CC2D1A: variants seen among roughly 807,000 people sequenced by gnomAD.
CC2D1A encodes the protein coiled-coil and C2 domain containing 1A.
CC2D1A carries 68 observed loss-of-function variants against 123.8 expected under a neutral mutation model. The observed-to-expected ratio is 0.55, with a 90% CI of 0.45 to 0.67. The LOEUF is 0.67. CC2D1A is among the 30% of genes least tolerant of loss of function. CC2D1A has a pLI of 0.00. For missense variants in CC2D1A, 1,185 were observed against 1,290.3 expected, an observed-to-expected ratio of 0.92 and a Z score of 1.25; for synonymous variants, 477 against 528.0, an observed-to-expected ratio of 0.90 and a Z score of 1.32.
At position 13,923,576 on chromosome 19, in the gene CC2D1A, C is replaced by T. The variant is rs764881191; in HGVS notation, c.1793C>T (p.Thr598Ile). Reference sequence around the variant, plus strand: ...TGCCTGAACCACTCAAACCAATTCACCCAGCTGGGCAACATCACTGAAACC... The same window carrying T: ...TGCCTGAACCACTCAAACCAATTCATCCAGCTGGGCAACATCACTGAAACC... ...EMCLNHSNQF[T>I]QLGNITETTK... The change falls in exon 16 of 29, where the codon ACC (threonine) becomes ATC (isoleucine). Residue 598 changes from threonine (T) to isoleucine (I), a missense_variant. Coordinates refer to ENST00000318003, the MANE Select transcript of CC2D1A (RefSeq NM_017721.5). The surrounding 1 kb of genome is among the most constrained non-coding windows in gnomAD (Gnocchi z 5.3). 1 of 1,614,164 alleles carries T rather than the reference C, an allele frequency of 6.2e-7. No individual in the cohort carries two copies. Among genetic ancestry groups the T allele is most frequent in the South Asian group, 1.1e-5 (1 of 91,088 alleles).
At chr19:13,919,427 ATG>A (rs1378051138) in intron 11 of CC2D1A, among the ~76,000 whole-genome samples, 1 of 152,182 alleles carries the variant, frequency 6.6e-6, no homozygotes, top group Non-Finnish European at 1.5e-5. Context: ...ATTGGACATG[ATG>A]TGTCTGCACT....
rs1568416399 is a variant in CC2D1A, at chr19:13,923,657, C to T, written c.1824-38C>T. 6.2e-7 allele frequency: 1 copy of T among 1,612,764 alleles called. No individual in the cohort carries two copies. The highest frequency in any genetic ancestry group is 8.5e-7 in the Non-Finnish European group (1 of 1,178,792). On this transcript the variant is annotated intron_variant, in intron 16 of 28. Transcript: ENST00000318003. The surrounding 1 kb of genome is among the most constrained non-coding windows in gnomAD (Gnocchi z 5.3). ...ACTTGCACCCCCAGCCACCCATCCC[C>T]AGGGCCAGGGACATGAGCAGGGCCC...
At chr19:13,911,879 C>T (rs12052071) in intron 2 of CC2D1A, among the ~76,000 whole-genome samples, 2 of 152,076 alleles carry the variant, frequency 1.3e-5, no homozygotes, top group Non-Finnish European at 2.9e-5. Flanking sequence ...GCATGCCTGG[C>T]TAATTTTTTG....
chr19:13,925,933 A>AATATATATATAT (rs1210738190), intron 17 of CC2D1A, among the ~76,000 whole-genome samples: 9 of 91,036 alleles, frequency 9.9e-5, no homozygotes, highest in African/African-American at 4.8e-4. Context: ...AAAAAAAAAA[A>AATATATATATAT]ATATATATAT....
In CC2D1A at chr19:13,920,772, A is replaced by G; in HGVS notation, c.1491A>G (p.Leu497=). 1 of 1,613,642 alleles carries G rather than the reference A, an allele frequency of 6.2e-7. No individual in the cohort carries two copies. The highest frequency in any genetic ancestry group is 8.5e-7 in the Non-Finnish European group (1 of 1,179,738). Residue 497 remains leucine, a synonymous_variant, in exon 14 of 29, where the codon CTA becomes CTG. Transcript: ENST00000318003. ...CAGCCCAGCAGCAGCTGGCCTTCCT[A>G]GAGGGCCGCAAGAAGCAGCTCCTGC... The part of the protein sequence containing the change: ...STRAQQQLAF[L]EGRKKQLLQA...
intron 2 of CC2D1A, among the ~76,000 whole-genome samples, chr19:13,911,641 G>C (rs983014722): frequency 6.6e-6 from 1 of 151,198 alleles, no homozygotes; most frequent in Admixed American, 6.6e-5. Flanking sequence ...TGCCTCCTGG[G>C]CTTAAGTGAT....
rs201807541 is a variant in CC2D1A, at chr19:13,920,872, G to A, written c.1591G>A (p.Glu531Lys). The change falls in exon 14 of 29, where the codon GAG (glutamate) becomes AAG (lysine). Residue 531 changes from glutamate (E) to lysine (K), a missense_variant. By Grantham distance (56) the Glu-to-Lys change is moderately conservative (BLOSUM62 1). Coordinates refer to ENST00000318003, the MANE Select transcript of CC2D1A (RefSeq NM_017721.5). ...GCACCTGCGCCAAGCCAAGGGACTG[G>A]AGCCTATGCTGGAGGCCTCGCGCAA... ...KMHLRQAKGL[E>K]PMLEASRNGL... is the part of the protein sequence containing the mutation. 2.1e-4 allele frequency: 342 copies of A among 1,614,004 alleles called. No homozygotes were observed. The highest frequency in any genetic ancestry group is 2.8e-4 in the Non-Finnish European group (327 of 1,180,046).
Position 13,913,035 on chromosome 19 carries a change from C to T in CC2D1A, c.379-133C>T, listed in dbSNP as rs916514574. ...ATTCCCTCCACTGGGAAATGGGGAC[C>T]ATGATTTCTGCCTCACTGGGGCAGG... On this transcript the variant is annotated intron_variant, in intron 4 of 28. Transcript: ENST00000318003. 8.7e-6 allele frequency: 8 copies of T among 921,410 alleles called. No homozygotes were observed. In the African/African-American group the frequency reaches 1.3e-4, roughly 15 times the overall value. 57.1% of individuals were successfully genotyped at this position (921,410 alleles called of 1,614,324 possible).
At position 13,919,700 on chromosome 19, in the gene CC2D1A, T is replaced by TA. The variant is rs944225259; in HGVS notation, c.1223-111dup. 1.1e-4 allele frequency: 119 copies of TA among 1,089,062 alleles called. No homozygotes were observed. The African/African-American group carries it at 1.7e-3, about 16-fold the overall frequency. 67.5% of individuals were successfully genotyped at this position (1,089,062 alleles called of 1,614,324 possible). A position where few individuals can be genotyped will look rare whatever the true frequency, so the allele number is the denominator to read the frequency against. ...CTCAAAAAAAAAAAAATTAATTAAT[T>TA]AAAAAAAGTAAAGGCCCAAGACTCT... is the stretch of plus-strand genomic sequence containing the variant. On this transcript the variant is annotated intron_variant, in intron 11 of 28. Transcript: ENST00000318003.
chr19:13,930,218 C>T lies in CC2D1A; in HGVS notation c.2788-24C>T, dbSNP rs1568424113. On this transcript the variant is annotated intron_variant, in intron 27 of 28. Coordinates refer to ENST00000318003, the MANE Select transcript of CC2D1A (RefSeq NM_017721.5). This position sits in a 1 kb window ranked among gnomAD's most constrained non-coding sequence, Gnocchi z 6.8. The stretch of plus-strand genomic sequence containing the variant: ...GCAGGGTGGGGCCTGCAGGGACTAC[C>T]TGCTGAATGCCCATCCCCCACAGGA... 1 of 1,613,890 alleles carries T rather than the reference C, an allele frequency of 6.2e-7. No homozygotes were observed. The highest frequency in any genetic ancestry group is 1.7e-5 in the Admixed American group (1 of 59,998).
In CC2D1A at chr19:13,919,951, G is replaced by A; in HGVS notation, c.1356G>A (p.Lys452=). ...PEDEEDEVPK[K]QNSPVAPTAQ... is the part of the protein sequence containing the mutation. ...ATGAAGAGGATGAGGTGCCTAAGAA[G>A]GTTTGAGGGTTGGGGCCGGGCGCAG... is the stretch of plus-strand genomic sequence containing the variant. The change falls in exon 12 of 29, where the codon AAG becomes AAA. Residue 452 remains lysine (K), a splice_region_variant and synonymous_variant. Coordinates refer to ENST00000318003, the MANE Select transcript of CC2D1A (RefSeq NM_017721.5). 2 of 1,610,368 alleles carry A rather than the reference G, an allele frequency of 1.2e-6. No individual in the cohort carries two copies. The highest frequency in any genetic ancestry group is 1.3e-5 in the African/African-American group (1 of 74,808).
At chr19:13,916,706 A>G (rs1034064806) in intron 6 of CC2D1A, among the ~76,000 whole-genome samples, 2 of 152,218 alleles carry the variant, frequency 1.3e-5, no homozygotes, top group African/African-American at 4.8e-5. Flanking sequence ...AAACCAATAC[A>G]ATGTCAAAGG....
rs769514467 is a variant in CC2D1A at position 13,913,468 on chromosome 19, C to T, written c.578C>T (p.Pro193Leu). The change falls in exon 6 of 29, where the codon CCG (proline) becomes CTG (leucine). Residue 193 changes from proline to leucine, a missense_variant. Pro to Leu is a moderately conservative substitution (Grantham distance 98, BLOSUM62 -3). Transcript: ENST00000318003. ...GCCATTGACGAAGCGGACATCCCGC[C>T]GCCAGTGGCCATAGGAAAAGGCCCG... Reference protein sequence around the residue: ...GNAIDEADIPPPVAIGKGPAS... With the variant: ...GNAIDEADIPLPVAIGKGPAS... 1.2e-5 allele frequency: 19 copies of T among 1,614,076 alleles called. No individual in the cohort carries two copies. Among genetic ancestry groups the T allele is most frequent in the Admixed American group, 3.3e-5 (2 of 60,008 alleles).
intron 17 of CC2D1A, among the ~76,000 whole-genome samples, chr19:13,926,018 ATATATATGTG>A (rs1971611098): frequency 9.2e-6 from 1 of 108,176 alleles, no homozygotes; most frequent in African/African-American, 6.3e-5. Flanking sequence ...ATATATACGT[ATATATATGTG>A]TATATATATA....
In CC2D1A at chr19:13,928,985, A is replaced by C. The variant is rs1413086197; in HGVS notation, c.2520-394A>C. Among the ~76,000 whole-genome samples, 6 of 149,130 alleles carry C rather than the reference A, an allele frequency of 4.0e-5. No homozygotes were observed. In the Admixed American group the frequency reaches 4.0e-4, roughly 10 times the overall value. On this transcript the variant is annotated intron_variant, in intron 24 of 28. Coordinates refer to ENST00000318003, the MANE Select transcript of CC2D1A (RefSeq NM_017721.5). ...CGGCCTCCCAAAGTGCTGGGATTAC[A>C]GGCATGAGCTACCATGCTCGGCTTT... is the stretch of plus-strand genomic sequence containing the variant.
chr19:13,918,528 C>G lies in CC2D1A; in HGVS notation c.898C>G (p.Leu300Val). Reference sequence around the variant, plus strand: ...GAGCTTTGATGCTGTCTTGGAGGCCCTGAGCCGGGGTGAGCCCGTGGACCT... The same window carrying G: ...GAGCTTTGATGCTGTCTTGGAGGCCGTGAGCCGGGGTGAGCCCGTGGACCT... Reference protein sequence around the residue: ...AKSFDAVLEALSRGEPVDLSC... With the variant: ...AKSFDAVLEAVSRGEPVDLSC... Residue 300 changes from leucine (L) to valine (V), a missense_variant, in exon 8 of 29, where the codon CTG becomes GTG. Transcript: ENST00000318003. 6.2e-7 allele frequency: 1 copy of G among 1,613,924 alleles called. No individual in the cohort carries two copies. The highest frequency in any genetic ancestry group is 2.2e-5 in the East Asian group (1 of 44,878).
At chr19:13,921,463 T>G (rs1203184421) in intron 14 of CC2D1A, among the ~76,000 whole-genome samples, 1 of 152,188 alleles carries the variant, frequency 6.6e-6, no homozygotes, top group Non-Finnish European at 1.5e-5. Flanking sequence ...CATTCCTTTT[T>G]CTCTGAGCAT....
intron 6 of CC2D1A, among the ~76,000 whole-genome samples, chr19:13,915,780 G>T (rs1346970232): frequency 1.3e-5 from 2 of 152,026 alleles, no homozygotes; most frequent in Non-Finnish European, 2.9e-5. Flanking sequence ...GCAGTGAGCC[G>T]TGATCGTGCC....
At chr19:13,910,380 C>T (rs113133973) in intron 2 of CC2D1A, among the ~76,000 whole-genome samples, 40 of 146,784 alleles carry the variant, frequency 2.7e-4, no homozygotes, top group African/African-American at 9.8e-4. Flanking sequence ...TGCGCTACAG[C>T]CTGGGCGACA....
Sources: allele counts gnomAD v4.1 joint callset (sites outside exome capture counted in the v4.1 genomes callset), GRCh38; gene constraint gnomAD v4.1.1; non-coding constraint Gnocchi (gnomAD v3.1); transcripts MANE v1.5; gene names NCBI Gene and HGNC (gene_info 2026-07-23, HGNC 2026-07-21).